Variants in MPZL1 observed in about 807,000 individuals in gnomAD.
The protein encoded by MPZL1 is myelin protein zero like 1, also known as myelin protein zero-like protein 1.
MPZL1 carries 16 observed loss-of-function variants against 29.3 expected under a neutral mutation model. That is an observed-to-expected ratio of 0.55 (90% confidence interval 0.37 to 0.83). MPZL1 has a LOEUF of 0.83. MPZL1 is among the 40% of genes least tolerant of loss of function. The pLI is 0.00. For missense variants in MPZL1, 279 were observed against 332.9 expected (o/e 0.84, Z 1.26); for synonymous variants, 143 against 132.0 (o/e 1.08, Z -0.57).
At chr1:167,755,987 A>C (rs1429077707) in intron 1 of MPZL1, among the ~76,000 whole-genome samples, 1 of 152,188 alleles carries the variant, frequency 6.6e-6, no homozygotes, top group African/African-American at 2.4e-5. Context: ...TAGTTCAGTG[A>C]CTGGCCTGAT....
At chr1:167,740,002 A>G (rs986486623) in intron 1 of MPZL1, among the ~76,000 whole-genome samples, 2 of 152,154 alleles carry the variant, frequency 1.3e-5, no homozygotes, top group African/African-American at 4.8e-5. Flanking sequence ...CTTGGAGTCC[A>G]TAGTTCATTG....
chr1:167,730,663 T>C (rs554935708), intron 1 of MPZL1, among the ~76,000 whole-genome samples: 11 of 152,336 alleles, frequency 7.2e-5, no homozygotes, highest in African/African-American at 2.4e-4. Context: ...AGTGATACCA[T>C]ACTGGGCTCA....
intron 4 of MPZL1, 97 bp from the exon 5 acceptor site, chr1:167,775,967 G>C: frequency 1.4e-6 from 1 of 703,128 alleles, no homozygotes; most frequent in East Asian, 3.1e-5. Context: ...TATATCTGTT[G>C]CTTCATCTTG....
At chr1:167,738,952 G>T (rs927190628) in intron 1 of MPZL1, among the ~76,000 whole-genome samples, 1 of 151,818 alleles carries the variant, frequency 6.6e-6, no homozygotes, top group African/African-American at 2.4e-5. Context: ...TTGGTTTTTC[G>T]GAGTTTTTTT....
At chr1:167,742,705 G>A (rs746228895) in intron 1 of MPZL1, among the ~76,000 whole-genome samples, 3 of 152,108 alleles carry the variant, frequency 2.0e-5, no homozygotes, top group Non-Finnish European at 4.4e-5. Context: ...TGAAGTCTTT[G>A]CGTAAGCTAA....
intron 1 of MPZL1, among the ~76,000 whole-genome samples, chr1:167,731,133 G>A (rs147726494): frequency 6.6e-6 from 1 of 152,256 alleles, no homozygotes; most frequent in Non-Finnish European, 1.5e-5. Context: ...TGAATAATAT[G>A]GATTTAAGAC....
chr1:167,775,406 CT>C (rs1558124227), intron 4 of MPZL1, among the ~76,000 whole-genome samples: 1 of 152,200 alleles, frequency 6.6e-6, no homozygotes, highest in Non-Finnish European at 1.5e-5. Context: ...CTGGCATTCA[CT>C]TTCCCTGATT....
intron 1 of MPZL1, among the ~76,000 whole-genome samples, chr1:167,755,265 C>T (rs1660845059): frequency 6.6e-6 from 1 of 152,130 alleles, no homozygotes; most frequent in Admixed American, 6.6e-5. Context: ...TTTCCAATCT[C>T]TTGTTCTGTC....
In MPZL1 at chr1:167,773,387, T is replaced by C. The variant is rs760325566; in HGVS notation, c.605+19T>C. On this transcript the variant is annotated intron_variant, in intron 4 of 5. Coordinates refer to ENST00000359523, the MANE Select transcript of MPZL1 (RefSeq NM_003953.6). ...ACACTGGGTAAGAAACACTGTTTTT[T>C]TAGGGCAGGGGTGGAGGGAGGGAAT... The C allele has an allele frequency of 9.9e-6, 16 of 1,608,050 alleles. No individual in the cohort carries two copies. In the South Asian group the frequency reaches 1.7e-4, roughly 17 times the overall value.
rs3767450 is a variant in MPZL1 at position 167,768,448 on chromosome 1, A to G, written c.258+2699A>G. 3.8e-4 allele frequency among the ~76,000 whole-genome samples: 58 copies of G among 150,912 alleles called. 1 individual carries two copies. The East Asian group carries it at 8.4e-3, about 22-fold the overall frequency. On this transcript the variant is annotated intron_variant, in intron 2 of 5. Coordinates refer to ENST00000359523, the MANE Select transcript of MPZL1 (RefSeq NM_003953.6). Reference sequence around the variant, plus strand: ...CACTACCCTTATCTGGGCCATTCCTATAATACAGATCCCTTAATATGACAG... The same window carrying G: ...CACTACCCTTATCTGGGCCATTCCTGTAATACAGATCCCTTAATATGACAG...
At chr1:167,732,196 C>T (rs541310188) in intron 1 of MPZL1, among the ~76,000 whole-genome samples, 6 of 152,250 alleles carry the variant, frequency 3.9e-5, no homozygotes, top group Admixed American at 1.3e-4. Context: ...TAAGACTTTT[C>T]GATTAGCTTG....
intron 5 of MPZL1, among the ~76,000 whole-genome samples, chr1:167,781,407 C>T (rs759283396): frequency 2.0e-5 from 3 of 152,112 alleles, no homozygotes; most frequent in Admixed American, 2.0e-4. Flanking sequence ...AGTACGTTCT[C>T]TGGCCACAAT....
intron 1 of MPZL1, among the ~76,000 whole-genome samples, chr1:167,740,831 C>T (rs891234365): frequency 1.3e-5 from 2 of 152,204 alleles, no homozygotes; most frequent in Non-Finnish European, 2.9e-5. Flanking sequence ...TATTCCTTCT[C>T]TCCAGTTAAA....
At position 167,788,174 on chromosome 1, in the gene MPZL1, T is replaced by G. The variant is rs1306871798; in HGVS notation, c.*253T>G. ...CATATGTACCCATTGTCTTGCTGTTTTTGTACTTTCTTTTCAGGTCATTTA... is the reference window on the plus strand; with the variant it reads ...CATATGTACCCATTGTCTTGCTGTTGTTGTACTTTCTTTTCAGGTCATTTA... On this transcript the variant is annotated 3_prime_UTR_variant, in exon 6 of 6. Transcript: ENST00000359523. The G allele has an allele frequency of 1.0e-5, 4 of 381,496 alleles. No individual in the cohort carries two copies. Among genetic ancestry groups the G allele is most frequent in the Non-Finnish European group, 1.9e-5 (4 of 208,504 alleles). The allele number at this position is 381,496 out of a possible 1,614,324, so 23.6% of individuals were successfully genotyped here. A position where few individuals can be genotyped will look rare whatever the true frequency, so the allele number is the denominator to read the frequency against.
chr1:167,737,091 T>C (rs1242560973), intron 1 of MPZL1, among the ~76,000 whole-genome samples: 1 of 152,244 alleles, frequency 6.6e-6, no homozygotes, highest in African/African-American at 2.4e-5. Context: ...GCACTTTGCC[T>C]CTAAGCTTCC....
At chr1:167,744,661 G>A (rs1466724791) in intron 1 of MPZL1, among the ~76,000 whole-genome samples, 1 of 142,524 alleles carries the variant, frequency 7.0e-6, no homozygotes, top group African/African-American at 2.7e-5. Flanking sequence ...TCCAGCCTGG[G>A]CGAAAGAGCG....
At chr1:167,730,260 CT>C (rs1230722919) in intron 1 of MPZL1, among the ~76,000 whole-genome samples, 7 of 149,706 alleles carry the variant, frequency 4.7e-5, no homozygotes, top group Non-Finnish European at 7.4e-5. Context: ...TAATGATGTT[CT>C]TTTTTTTTTC....
intron 5 of MPZL1, among the ~76,000 whole-genome samples, chr1:167,778,107 G>C (rs1661410677): frequency 6.6e-6 from 1 of 152,136 alleles, no homozygotes; most frequent in African/African-American, 2.4e-5. Flanking sequence ...TGGATCACGA[G>C]GTCAGGAGTT....
intron 1 of MPZL1, among the ~76,000 whole-genome samples, chr1:167,754,284 C>T (rs929261508): frequency 2.0e-5 from 3 of 152,314 alleles, no homozygotes; most frequent in Admixed American, 6.5e-5. Context: ...TAGGCGTGAG[C>T]CACTGCACCT....
Sources: allele counts gnomAD v4.1 joint callset (sites outside exome capture counted in the v4.1 genomes callset), GRCh38; gene constraint gnomAD v4.1.1; transcripts MANE v1.5; gene names NCBI Gene and HGNC (gene_info 2026-07-23, HGNC 2026-07-21).